The following VPS53 variants were observed in gnomAD, a reference collection of about 807,000 sequenced individuals.
VPS53 encodes the protein VPS53 subunit of GARP complex, also known as vacuolar protein sorting-associated protein 53 homolog.
In VPS53, 70 loss-of-function variants were observed where a neutral mutation model predicts 107.0. That is an observed-to-expected ratio of 0.65 (90% confidence interval 0.54 to 0.80). VPS53 has a LOEUF of 0.80. Ranked by LOEUF, VPS53 falls within the 30% of genes least tolerant of loss-of-function variation. The pLI is 0.00. For synonymous variants in VPS53, 409 were observed against 393.3 expected (o/e 1.04, Z -0.47); for missense variants, 917 against 1,049.4 (o/e 0.87, Z 1.74).
chr17:712,691 T>C (rs1002920640), intron 1 of VPS53, among the ~76,000 whole-genome samples: 1 of 152,194 alleles, frequency 6.6e-6, no homozygotes, highest in Non-Finnish European at 1.5e-5. Flanking sequence ...TCTGCTATAC[T>C]ATCACTCAAA....
intron 19 of VPS53, among the ~76,000 whole-genome samples, chr17:529,708 T>C (rs568661154): frequency 2.6e-5 from 4 of 152,248 alleles, no homozygotes; most frequent in Admixed American, 2.6e-4. Flanking sequence ...ACATTTTTAA[T>C]TTACTCCTAG....
At chr17:692,559 C>T (rs1393006936) in intron 4 of VPS53, among the ~76,000 whole-genome samples, 1 of 152,186 alleles carries the variant, frequency 6.6e-6, no homozygotes, top group Non-Finnish European at 1.5e-5. Context: ...AAGAAATGAC[C>T]TAATTATGCC....
intron 13 of VPS53, among the ~76,000 whole-genome samples, chr17:574,586 A>G (rs61562716): frequency 0.011 from 1,663 of 152,104 alleles, 27 homozygotes; most frequent in African/African-American, 0.034. Flanking sequence ...GCAACATGGC[A>G]AAACTGCGTC....
At position 515,826 on chromosome 17, in the gene VPS53, ACT is replaced by A. The variant is rs1459374725; in HGVS notation, c.*3300_*3301del. On this transcript the variant is annotated 3_prime_UTR_variant, in exon 22 of 22. Transcript: ENST00000437048. The stretch of plus-strand genomic sequence containing the variant: ...AGTCTTTTTTTTTTAACTGAGTCTC[ACT>A]CTGTCTCCCAGGCTGGAGTGCAGTG... 6.7e-6 allele frequency: 1 copy of A among 149,500 alleles called. No homozygotes were observed. Among genetic ancestry groups the A allele is most frequent in the Non-Finnish European group, 1.5e-5 (1 of 67,352 alleles). The allele number at this position is 149,500 out of a possible 1,614,324, so 9.3% of individuals were successfully genotyped here.
intron 13 of VPS53, among the ~76,000 whole-genome samples, chr17:576,082 T>C (rs1377215745): frequency 6.8e-6 from 1 of 146,406 alleles, no homozygotes; most frequent in East Asian, 2.1e-4. Flanking sequence ...CCAAATGAGT[T>C]CCGAAAAACC....
chr17:556,929 G>A (rs1175891620), intron 15 of VPS53, among the ~76,000 whole-genome samples: 1 of 152,196 alleles, frequency 6.6e-6, no homozygotes, highest in Non-Finnish European at 1.5e-5. Flanking sequence ...GGGTGGCCAG[G>A]AGGGGCTCTC....
intron 11 of VPS53, among the ~76,000 whole-genome samples, chr17:614,630 C>A (rs1000942822): frequency 2.0e-5 from 3 of 152,166 alleles, no homozygotes; most frequent in African/African-American, 4.8e-5. Flanking sequence ...TGTGGCAGAG[C>A]TGGAAAACCT....
chr17:677,935 C>T (rs1972231377), intron 4 of VPS53, among the ~76,000 whole-genome samples: 2 of 151,880 alleles, frequency 1.3e-5, no homozygotes, highest in Non-Finnish European at 2.9e-5. Context: ...CTGGGCAACA[C>T]AGCAAAACCC....
chr17:637,039 T>C lies in VPS53; in HGVS notation c.609-5411A>G, dbSNP rs1228747128. Among the ~76,000 whole-genome samples the C allele has an allele frequency of 3.3e-5, 5 of 152,202 alleles. No individual in the cohort carries two copies. In the East Asian group the frequency reaches 9.6e-4, roughly 29 times the overall value. ...CTGGTAGAATTCGGCTGTGAATCCA[T>C]CTGGTCCTGGACTTTTTTTGGTTGG... is the stretch of plus-strand genomic sequence containing the variant. On this transcript the variant is annotated intron_variant, in intron 7 of 21. Coordinates refer to ENST00000437048, the MANE Select transcript of VPS53 (RefSeq NM_001128159.3).
rs1014448800 is a variant in VPS53, at chr17:657,518, C to T, written c.373-1565G>A. On this transcript the variant is annotated intron_variant, in intron 5 of 21. Coordinates refer to ENST00000437048, the MANE Select transcript of VPS53 (RefSeq NM_001128159.3). ...TCCAATGCTTTGGAGCTGCTACCCG[C>T]TTCAGATGCTTCTTGGCACCACGAG... 6.8e-6 allele frequency: 10 copies of T among 1,477,842 alleles called. No homozygotes were observed. The Admixed American group carries it at 1.2e-4, about 17-fold the overall frequency. 91.5% of individuals were successfully genotyped at this position (1,477,842 alleles called of 1,614,324 possible). A position where few individuals can be genotyped will look rare whatever the true frequency, so the allele number is the denominator to read the frequency against.
intron 17 of VPS53, among the ~76,000 whole-genome samples, chr17:545,207 A>T (rs1444814823): frequency 6.6e-6 from 1 of 152,184 alleles, no homozygotes; most frequent in Non-Finnish European, 1.5e-5. Flanking sequence ...GACTTTCATC[A>T]CATTTTCCTC....
At position 551,977 on chromosome 17, in the gene VPS53, C is replaced by A; in HGVS notation, c.1788-27G>T. 3 of 1,558,302 alleles carry A rather than the reference C, an allele frequency of 1.9e-6. No individual in the cohort carries two copies. In the South Asian group the frequency reaches 3.6e-5, roughly 18 times the overall value. On this transcript the variant is annotated intron_variant, in intron 16 of 21. Transcript: ENST00000437048. Reference sequence around the variant, plus strand: ...TGCAAATCAAACAAATCACTGTGGTCACCCTTTCAAACAACGGCCGTCTGA... The same window carrying A: ...TGCAAATCAAACAAATCACTGTGGTAACCCTTTCAAACAACGGCCGTCTGA...
rs1227797751 is a variant in VPS53, at chr17:511,303, C to A, written c.*7825G>T. ...CACCTGAGACCCCTGAAAGCTGCAGCCCACACTGCAAATACTTTTCTTGGC... is the reference window on the plus strand; with the variant it reads ...CACCTGAGACCCCTGAAAGCTGCAGACCACACTGCAAATACTTTTCTTGGC... On this transcript the variant is annotated 3_prime_UTR_variant, in exon 22 of 22. Coordinates refer to ENST00000437048, the MANE Select transcript of VPS53 (RefSeq NM_001128159.3). 6.6e-6 allele frequency: 1 copy of A among 152,130 alleles called. No individual in the cohort carries two copies. Among genetic ancestry groups the A allele is most frequent in the African/African-American group, 2.4e-5 (1 of 41,390 alleles). 9.4% of individuals were successfully genotyped at this position (152,130 alleles called of 1,614,324 possible).
intron 11 of VPS53, among the ~76,000 whole-genome samples, chr17:620,715 C>T (rs1333394272): frequency 7.0e-6 from 1 of 143,708 alleles, no homozygotes; most frequent in African/African-American, 2.6e-5. Flanking sequence ...CTCACTCTGT[C>T]GCCCAGGCTG....
At chr17:669,856 C>T (rs1971864671) in intron 4 of VPS53, among the ~76,000 whole-genome samples, 1 of 149,938 alleles carries the variant, frequency 6.7e-6, no homozygotes, top group Non-Finnish European at 1.5e-5. Flanking sequence ...GGTGCCATCG[C>T]ACTCCAGCCT....
rs891651837 is a variant in VPS53 at position 714,787 on chromosome 17, C to A, written c.-78G>T. 4.6e-6 allele frequency: 7 copies of A among 1,535,280 alleles called. No homozygotes were observed. In the African/African-American group the frequency reaches 9.5e-5, roughly 21 times the overall value. ...AGCCGCCACCCAGGCCCCAGCACAG[C>A]AACTCCCTCGCGGCAGCGACCTGGT... On this transcript the variant is annotated 5_prime_UTR_variant, in exon 1 of 22. Coordinates refer to ENST00000437048, the MANE Select transcript of VPS53 (RefSeq NM_001128159.3).
chr17:690,603 C>A (rs572813697), intron 4 of VPS53, among the ~76,000 whole-genome samples: 3 of 152,324 alleles, frequency 2.0e-5, no homozygotes, highest in African/African-American at 7.2e-5. Context: ...CCCAGCTCTG[C>A]GGACATCTGT....
chr17:615,281 C>A (rs1015203509), intron 11 of VPS53, among the ~76,000 whole-genome samples: 1 of 152,208 alleles, frequency 6.6e-6, no homozygotes, highest in African/African-American at 2.4e-5. Flanking sequence ...GTCCCTGAGG[C>A]TCTTTCAGTC....
At chr17:555,867 G>A (rs144758030) in intron 15 of VPS53, among the ~76,000 whole-genome samples, 3 of 152,188 alleles carry the variant, frequency 2.0e-5, no homozygotes, top group South Asian at 2.1e-4. Flanking sequence ...ATTAATACTC[G>A]TGGGTGCAAT....
Sources: gnomAD v4.1 joint callset for allele counts (sites outside exome capture counted in the v4.1 genomes callset) on GRCh38, gnomAD v4.1.1 for gene constraint, MANE v1.5 for transcripts, NCBI Gene and HGNC (gene_info 2026-07-23, HGNC 2026-07-21) for gene names.